The following MYOC variants were observed in gnomAD, a reference collection of about 807,000 sequenced individuals.
MYOC encodes the protein juvenile-onset open-angle glaucoma 1.
In MYOC, 29 loss-of-function variants were observed where a neutral mutation model predicts 28.2. The observed-to-expected ratio is 1.03, with a 90% CI of 0.77 to 1.40. The LOEUF is 1.40. MYOC is among the 40% of genes most tolerant of loss of function. MYOC has a pLI of 0.00. For synonymous variants in MYOC, 240 were observed against 245.6 expected, an observed-to-expected ratio of 0.98 and a Z score of 0.21; for missense variants, 569 against 620.6, an observed-to-expected ratio of 0.92 and a Z score of 0.88.
chr1:171,635,887 A>C lies in MYOC; in HGVS notation c.*38T>G. ...CCTGCTCCCCCCAGGAGCCCTGAGC[A>C]TCTCCTTCTGCCATTGCCTGTACAG... On this transcript the variant is annotated 3_prime_UTR_variant, in exon 3 of 3. Coordinates refer to ENST00000037502, the MANE Select transcript of MYOC (RefSeq NM_000261.2). 1 of 1,610,820 alleles carries C rather than the reference A, an allele frequency of 6.2e-7. No homozygotes were observed. The highest frequency in any genetic ancestry group is 1.1e-5 in the South Asian group (1 of 90,700).
chr1:171,647,559 T>C (rs1248445436), intron 1 of MYOC, among the ~76,000 whole-genome samples: 1 of 151,962 alleles, frequency 6.6e-6, no homozygotes, highest in Admixed American at 6.6e-5. Flanking sequence ...AAAACAATAG[T>C]GGAACTCAAG....
At chr1:171,639,026 G>A (rs978400303) in intron 1 of MYOC, among the ~76,000 whole-genome samples, 6 of 121,736 alleles carry the variant, frequency 4.9e-5, no homozygotes, top group African/African-American at 1.5e-4. Flanking sequence ...AACCAAGGAG[G>A]GGGAGATTGC....
chr1:171,645,174 T>C (rs1424166031), intron 1 of MYOC, among the ~76,000 whole-genome samples: 1 of 152,220 alleles, frequency 6.6e-6, no homozygotes, highest in Non-Finnish European at 1.5e-5. Context: ...GTGGTATGAC[T>C]GTGAGGACAT....
intron 1 of MYOC, among the ~76,000 whole-genome samples, chr1:171,648,527 G>A (rs1653258040): frequency 1.3e-5 from 2 of 151,902 alleles, no homozygotes; most frequent in South Asian, 4.2e-4. Flanking sequence ...TGTTCAACAG[G>A]AGACCAGTCC....
chr1:171,642,725 G>A (rs1653106489), intron 1 of MYOC, among the ~76,000 whole-genome samples: 1 of 152,016 alleles, frequency 6.6e-6, no homozygotes, highest in Non-Finnish European at 1.5e-5. Context: ...GTACCCCCCG[G>A]GACATGGCAG....
chr1:171,651,641 C>T (rs947345290), intron 1 of MYOC, among the ~76,000 whole-genome samples: 8 of 152,210 alleles, frequency 5.3e-5, no homozygotes, highest in Admixed American at 2.0e-4. Flanking sequence ...TCAAAAGGTA[C>T]AAATAACAAT....
At chr1:171,646,268 A>C (rs1653199472) in intron 1 of MYOC, among the ~76,000 whole-genome samples, 1 of 152,200 alleles carries the variant, frequency 6.6e-6, no homozygotes, top group Non-Finnish European at 1.5e-5. Context: ...CACCTCTCTG[A>C]GCCCCAGTAT....
At position 171,638,740 on chromosome 1, in the gene MYOC, G is replaced by T. The variant is rs1394768759; in HGVS notation, c.605-18C>A. 1.2e-6 allele frequency: 2 copies of T among 1,613,316 alleles called. No individual in the cohort carries two copies. The highest frequency in any genetic ancestry group is 2.7e-5 in the African/African-American group (2 of 74,870). On this transcript the variant is annotated intron_variant, in intron 1 of 2. Transcript: ENST00000037502. Reference sequence around the variant, plus strand: ...CGTAGAAACTGCATTAAAAGAAAGAGACAAAATTTTACTGTAAGAAAAAAT... The same window carrying T: ...CGTAGAAACTGCATTAAAAGAAAGATACAAAATTTTACTGTAAGAAAAAAT...
At chr1:171,642,586 T>A (rs1312355236) in intron 1 of MYOC, among the ~76,000 whole-genome samples, 1 of 148,354 alleles carries the variant, frequency 6.7e-6, no homozygotes, top group Non-Finnish European at 1.5e-5. Context: ...TGCACTCCAG[T>A]CTGGGTGACA....
At chr1:171,646,722 C>T (rs1572214984) in intron 1 of MYOC, among the ~76,000 whole-genome samples, 1 of 152,012 alleles carries the variant, frequency 6.6e-6, no homozygotes, top group Non-Finnish European at 1.5e-5. Context: ...GTCACGAACT[C>T]CTGACCTCGT....
At chr1:171,643,764 A>G (rs1653134894) in intron 1 of MYOC, among the ~76,000 whole-genome samples, 1 of 152,070 alleles carries the variant, frequency 6.6e-6, no homozygotes, top group African/African-American at 2.4e-5. Context: ...TGAGGTCAGG[A>G]GTTCGAGACC....
chr1:171,649,925 T>C (rs988017791), intron 1 of MYOC, among the ~76,000 whole-genome samples: 1 of 152,112 alleles, frequency 6.6e-6, no homozygotes, highest in Non-Finnish European at 1.5e-5. Flanking sequence ...TCTGCAAAAA[T>C]CAGCCAGCGG....
In MYOC at chr1:171,652,411, G is replaced by T; in HGVS notation, c.201C>A (p.Ala67=). 6.2e-7 allele frequency: 1 copy of T among 1,614,132 alleles called. No homozygotes were observed. Among genetic ancestry groups the T allele is most frequent in the East Asian group, 2.2e-5 (1 of 44,878 alleles). ...TCTGTAAGTTATGGATGACTGACAT[G>T]GCCTGGCTCTGCTCTGGGCAGCTGG... ...NESSCPEQSQ[A]MSVIHNLQRD... is the part of the protein sequence containing the mutation. Residue 67 remains alanine (A), a synonymous_variant, in exon 1 of 3, where the codon GCC becomes GCA. Coordinates refer to ENST00000037502, the MANE Select transcript of MYOC (RefSeq NM_000261.2).
At chr1:171,639,976 A>AAAAAG (rs1653035159) in intron 1 of MYOC, among the ~76,000 whole-genome samples, 1 of 143,506 alleles carries the variant, frequency 7.0e-6, no homozygotes, top group Admixed American at 7.0e-5. Flanking sequence ...AAAAAAAAGA[A>AAAAAG]GTGTGGCTCA....
At chr1:171,644,320 C>T (rs558629603) in intron 1 of MYOC, among the ~76,000 whole-genome samples, 74 of 151,790 alleles carry the variant, frequency 4.9e-4, no homozygotes, top group Non-Finnish European at 9.9e-4. Context: ...CCCTCCCCTG[C>T]ATCTGGCCCC....
At chr1:171,647,523 C>CA (rs1356902900) in intron 1 of MYOC, among the ~76,000 whole-genome samples, 1 of 151,414 alleles carries the variant, frequency 6.6e-6, no homozygotes. Flanking sequence ...ACTCCATCTT[C>CA]AAAAAACAAA....
chr1:171,636,515 G>A lies in MYOC; in HGVS notation c.925C>T (p.Gln309Ter). ...ATGTGAACCTTAGAAGGGTAGCCCT[G>A]CATAAACTGGCTGATGAGGTCATAC... ...FEYDLISQFM[Q>*]GYPSKVHILP... The change falls in exon 3 of 3, where the codon CAG becomes TAG. Residue 309 changes from glutamine (Q) to a stop codon, truncating the protein, a stop_gained. Transcript: ENST00000037502. LOFTEE classifies it low-confidence loss of function (END_TRUNC). 6.2e-7 allele frequency: 1 copy of A among 1,610,138 alleles called. No homozygotes were observed. Among genetic ancestry groups the A allele is most frequent in the Non-Finnish European group, 8.5e-7 (1 of 1,177,572 alleles).
chr1:171,637,961 G>A (rs1469313587), intron 2 of MYOC, among the ~76,000 whole-genome samples: 2 of 152,184 alleles, frequency 1.3e-5, no homozygotes, highest in Non-Finnish European at 2.9e-5. Context: ...ATAGAAGGTA[G>A]AAACACTTTG....
intron 2 of MYOC, among the ~76,000 whole-genome samples, chr1:171,637,560 T>C (rs1393760311): frequency 1.3e-5 from 2 of 151,956 alleles, no homozygotes; most frequent in Non-Finnish European, 2.9e-5. Context: ...ATTTTTTAAA[T>C]GTAGTGAAGA....
Sources: gnomAD v4.1 joint callset for allele counts (sites outside exome capture counted in the v4.1 genomes callset) on GRCh38, gnomAD v4.1.1 for gene constraint, MANE v1.5 for transcripts, NCBI Gene and HGNC (gene_info 2026-07-23, HGNC 2026-07-21) for gene names.